Variants in NPEPL1 observed in about 807,000 individuals in gnomAD.
NPEPL1 encodes aminopeptidase like 1, also known as probable aminopeptidase NPEPL1.
Under a neutral mutation model 52.4 loss-of-function variants are expected in NPEPL1, and 45 were observed. The ratio of observed to expected loss-of-function variants is 0.86; its 90% CI spans 0.68 to 1.10. The LOEUF (loss-of-function observed/expected upper bound fraction) is 1.10, where lower values mean the gene tolerates loss of function less well. Ranked by LOEUF, NPEPL1 falls within the 50% of genes least tolerant of loss-of-function variation. The pLI, the probability that NPEPL1 is intolerant of heterozygous loss-of-function variation, is 0.00. For synonymous variants in NPEPL1, 360 were observed against 314.7 expected, an observed-to-expected ratio of 1.14 and a Z score of -1.52; for missense variants, 696 against 710.9, an observed-to-expected ratio of 0.98 and a Z score of 0.24.
intron 7 of NPEPL1, among the ~76,000 whole-genome samples, chr20:58,710,639 C>T (rs568536667): frequency 6.6e-6 from 1 of 152,358 alleles, no homozygotes; most frequent in East Asian, 1.9e-4. Context: ...TCTTTGGCCA[C>T]CCTCTTCTGT....
chr20:58,691,157 C>G (rs1383011292), upstream of NPEPL1: 1 of 703,126 alleles, frequency 1.4e-6, no homozygotes, highest in Non-Finnish European at 2.6e-6. Context: ...TCTCAGTCCT[C>G]TGGAGTGCCG....
chr20:58,696,622 G>A (rs1435079115), intron 3 of NPEPL1, among the ~76,000 whole-genome samples: 1 of 152,240 alleles, frequency 6.6e-6, no homozygotes, highest in Non-Finnish European at 1.5e-5. Context: ...GTGCCTTGAG[G>A]TGCTCTCCTG....
Position 58,701,057 on chromosome 20 carries a change from C to A in NPEPL1, c.721C>A (p.Leu241Met). ...VGKAALHPPA[L>M]AVLSHTPDGA... ...CAAAGCCGCCCTGCATCCCCCAGCC[C>A]TGGCCGTCCTCAGCCACACCCCAGA... is the stretch of plus-strand genomic sequence containing the variant. The change falls in exon 6 of 12, where the codon CTG (leucine) becomes ATG (methionine). Residue 241 changes from leucine to methionine, a missense_variant. Coordinates refer to ENST00000356091, the MANE Select transcript of NPEPL1 (RefSeq NM_024663.4). The A allele has an allele frequency of 6.3e-7, 1 of 1,596,288 alleles. No homozygotes were observed. The highest frequency in any genetic ancestry group is 1.3e-5 in the African/African-American group (1 of 74,474).
chr20:58,707,837 G>T (rs908439371), intron 7 of NPEPL1, among the ~76,000 whole-genome samples: 1 of 152,236 alleles, frequency 6.6e-6, no homozygotes, highest in African/African-American at 2.4e-5. Flanking sequence ...CAGAACTTTG[G>T]GAGGCGGAGG....
intron 7 of NPEPL1, chr20:58,711,303 C>G (rs2084836751): frequency 6.6e-6 from 1 of 151,998 alleles, no homozygotes; most frequent in African/African-American, 2.4e-5. Context: ...TTCCTAAACA[C>G]CCACTTCTCC....
chr20:58,702,109 C>T (rs1369380405), intron 6 of NPEPL1, among the ~76,000 whole-genome samples: 3 of 152,262 alleles, frequency 2.0e-5, no homozygotes. Context: ...ACACTGCAAA[C>T]TAGCAGCCTG....
rs781303035 is a variant in NPEPL1 at position 58,707,188 on chromosome 20, C to G, written c.888C>G (p.Ala296=). ...CGGCCGTCCTGGGGGCCTTCAGAGC[C>G]GCAATCAAGCAGGTGAGTGGGCCCT... ...GAAAVLGAFR[A]AIKQGFKDNL... The change falls in exon 7 of 12, where the codon GCC becomes GCG. Residue 296 remains alanine, a synonymous_variant. Transcript: ENST00000356091. The G allele has an allele frequency of 1.3e-6, 2 of 1,551,022 alleles. No individual in the cohort carries two copies. Among genetic ancestry groups the G allele is most frequent in the Non-Finnish European group, 1.7e-6 (2 of 1,147,208 alleles).
At chr20:58,694,682 G>C (rs1012697349) in intron 3 of NPEPL1, 90 bp downstream of exon 3, 7 of 1,312,056 alleles carry the variant, frequency 5.3e-6, no homozygotes, top group African/African-American at 1.5e-5. Context: ...AGCTTGTTGC[G>C]GGGGCAGGAG....
At chr20:58,704,274 C>T (rs2084694938) in intron 6 of NPEPL1, 1 of 972,502 alleles carries the variant, frequency 1.0e-6, no homozygotes, top group Non-Finnish European at 1.2e-6. Flanking sequence ...CAGCCCAGCT[C>T]CCAGTTTTGC....
chr20:58,712,441 G>C, intron 7 of NPEPL1, 38 bp from the exon 8 acceptor site: 1 of 1,422,800 alleles, frequency 7.0e-7, no homozygotes, highest in Non-Finnish European at 9.9e-7. Flanking sequence ...CCAAACCTAT[G>C]ACCTACAACT....
intron 3 of NPEPL1, among the ~76,000 whole-genome samples, chr20:58,696,380 A>G (rs1344736485): frequency 6.6e-6 from 1 of 152,166 alleles, no homozygotes; most frequent in East Asian, 1.9e-4. Context: ...TCACTACTAG[A>G]CATGTCACAT....
intron 5 of NPEPL1, among the ~76,000 whole-genome samples, 182 bp downstream of exon 5, chr20:58,699,460 G>A (rs1187871102): frequency 6.6e-6 from 1 of 152,222 alleles, no homozygotes; most frequent in Admixed American, 6.5e-5. Context: ...GTCCCTGGGG[G>A]AGAAGGGGAG....
At chr20:58,714,441 C>CGCTCCCTCCCCACAT in intron 10 of NPEPL1, 119 bp from the exon 11 acceptor site, 1 of 717,862 alleles carries the variant, frequency 1.4e-6, no homozygotes, top group Non-Finnish European at 2.2e-6. Context: ...CCTCCCCACA[C>CGCTCCCTCCCCACAT]GCTCCCTCCC....
In NPEPL1 at chr20:58,713,907, G is replaced by A; in HGVS notation, c.1126-10G>A. ...CCGTCCACACGCTTCCCGGGTTCCT[G>A]CCCGCCCAGGGCATTGCCACAGGGA... On this transcript the variant is annotated splice_polypyrimidine_tract_variant and intron_variant, in intron 9 of 11. Coordinates refer to ENST00000356091, the MANE Select transcript of NPEPL1 (RefSeq NM_024663.4). The surrounding 1 kb of genome is among the most constrained non-coding windows in gnomAD (Gnocchi z 4.6). 6.9e-7 allele frequency: 1 copy of A among 1,454,398 alleles called. No homozygotes were observed. 90.1% of individuals were successfully genotyped at this position (1,454,398 alleles called of 1,614,324 possible). A position where few individuals can be genotyped will look rare whatever the true frequency, so the allele number is the denominator to read the frequency against.
At chr20:58,693,548 C>T (rs1045698678) in intron 1 of NPEPL1, 189 bp from the exon 2 acceptor site, 54 of 524,392 alleles carry the variant, frequency 1.0e-4, no homozygotes, top group Non-Finnish European at 1.3e-4. Flanking sequence ...GGATGCGAGC[C>T]AGCCTAGAGA....
intron 6 of NPEPL1, chr20:58,703,443 A>T (rs993499669): frequency 1.0e-6 from 1 of 984,690 alleles, no homozygotes; most frequent in Non-Finnish European, 1.2e-6. Flanking sequence ...TACTGCCTGC[A>T]CCTGGTACTG....
At chr20:58,691,406 G>A, upstream of NPEPL1, 1 of 425,420 alleles carries the variant, frequency 2.4e-6, no homozygotes, top group Admixed American at 5.0e-5. Flanking sequence ...TTTTTTGAGT[G>A]CCTGCTCTGT....
intron 11 of NPEPL1, 145 bp from the exon 12 acceptor site, chr20:58,715,023 G>T: frequency 1.1e-6 from 1 of 933,748 alleles, no homozygotes; most frequent in Non-Finnish European, 1.6e-6. Context: ...GGAAGGCTCT[G>T]GGCTCCGGCT....
upstream of NPEPL1, chr20:58,691,844 G>C (rs1185834531): frequency 6.6e-7 from 1 of 1,515,380 alleles, no homozygotes; most frequent in East Asian, 2.5e-5. Context: ...ACAGATTTTT[G>C]CTTTTAAATG....
Sources: allele counts gnomAD v4.1 joint callset (sites outside exome capture counted in the v4.1 genomes callset), GRCh38; gene constraint gnomAD v4.1.1; non-coding constraint Gnocchi (gnomAD v3.1); transcripts MANE v1.5; gene names NCBI Gene and HGNC (gene_info 2026-07-23, HGNC 2026-07-21).